AACS: variants seen among roughly 807,000 people sequenced by gnomAD.
The protein encoded by AACS is acetoacetyl-CoA synthetase, also known as acetoacetate-CoA ligase.
AACS carries 69 observed loss-of-function variants against 83.1 expected under a neutral mutation model. The observed-to-expected ratio is 0.83, with a 90% CI of 0.68 to 1.01. The LOEUF (loss-of-function observed/expected upper bound fraction) is 1.01, where lower values mean the gene tolerates loss of function less well. AACS is among the 50% of genes least tolerant of loss of function. AACS has a pLI of 0.00. For synonymous variants in AACS, 333 were observed against 343.4 expected (o/e 0.97, Z 0.33); for missense variants, 866 against 882.2 (o/e 0.98, Z 0.23).
At position 125,086,463 on chromosome 12, in the gene AACS, G is replaced by A. The variant is rs755828747; in HGVS notation, c.472+20G>A. The A allele has an allele frequency of 3.7e-6, 6 of 1,612,524 alleles. No homozygotes were observed. The highest frequency in any genetic ancestry group is 4.2e-6 in the Non-Finnish European group (5 of 1,178,570). ...TTGTTGGTAAGTATTTTGGGTGCTG[G>A]TGATGGTTTGAGGGAGGAGACCAAG... On this transcript the variant is annotated intron_variant, in intron 4 of 17. Coordinates refer to ENST00000316519, the MANE Select transcript of AACS (RefSeq NM_023928.5).
intron 4 of AACS, among the ~76,000 whole-genome samples, chr12:125,088,204 G>A (rs1956383348): frequency 1.3e-5 from 2 of 151,620 alleles, no homozygotes; most frequent in Non-Finnish European, 2.9e-5. Flanking sequence ...TATGGGTGTT[G>A]GGCTGATCAT....
chr12:125,118,633 C>T lies in AACS; in HGVS notation c.997-8C>T, dbSNP rs746149708. ...CCCGCTGAAGCCGCATCCCTCCTGT[C>T]TTTGCAGGTCGGCTGGATGATGTGG... On this transcript the variant is annotated splice_polypyrimidine_tract_variant and splice_region_variant and intron_variant, in intron 9 of 17. Transcript: ENST00000316519. 3.1e-6 allele frequency: 5 copies of T among 1,613,848 alleles called. No homozygotes were observed. The African/African-American group carries it at 6.7e-5, about 22-fold the overall frequency.
chr12:125,134,103 T>C lies in AACS; in HGVS notation c.1619+31T>C, dbSNP rs770695332. 8 of 1,608,252 alleles carry C rather than the reference T, an allele frequency of 5.0e-6. No homozygotes were observed. In the African/African-American group the frequency reaches 5.4e-5, roughly 11 times the overall value. On this transcript the variant is annotated intron_variant, in intron 15 of 17. Coordinates refer to ENST00000316519, the MANE Select transcript of AACS (RefSeq NM_023928.5). ...GGCTGCAGAGTCGGCTTCTCTTTCC[T>C]GGAGCCCCACCTTCCAGAGGCATGG... is the stretch of plus-strand genomic sequence containing the variant.
intron 5 of AACS, chr12:125,102,068 T>TTTTA (rs534667091): frequency 7.0e-5 from 10 of 142,864 alleles, no homozygotes; most frequent in African/African-American, 2.7e-4. Context: ...CTTGCCTTTT[T>TTTTA]AAAAAAAAAA....
chr12:125,114,805 C>A, intron 9 of AACS, among the ~76,000 whole-genome samples: 1 of 149,464 alleles, frequency 6.7e-6, no homozygotes, highest in Middle Eastern at 3.5e-3. Context: ...GGCGCCGGCC[C>A]GTGGCACATG....
chr12:125,108,526 A>T (rs1027099701), intron 8 of AACS, among the ~76,000 whole-genome samples: 2 of 152,210 alleles, frequency 1.3e-5, no homozygotes, highest in Non-Finnish European at 2.9e-5. Context: ...TTGGGGGTAC[A>T]CAGTTCAGCC....
intron 1 of AACS, among the ~76,000 whole-genome samples, chr12:125,073,478 T>G (rs943573588): frequency 6.6e-6 from 1 of 152,214 alleles, no homozygotes; most frequent in Non-Finnish European, 1.5e-5. Context: ...TTTCTACATG[T>G]GCTCATTTAA....
intron 3 of AACS, among the ~76,000 whole-genome samples, chr12:125,081,872 A>G (rs1289117038): frequency 6.6e-6 from 1 of 151,904 alleles, no homozygotes; most frequent in Admixed American, 6.6e-5. Flanking sequence ...TAGGAAAAAA[A>G]AAACGAGTTT....
rs569578086 is a variant in AACS at position 125,113,942 on chromosome 12, G to A, written c.916-535G>A. On this transcript the variant is annotated intron_variant, in intron 8 of 17. Coordinates refer to ENST00000316519, the MANE Select transcript of AACS (RefSeq NM_023928.5). The surrounding 1 kb of genome is among the most constrained non-coding windows in gnomAD (Gnocchi z 4.8). ...GCTTGGGTGTTTTAGCCAGAAGCAG[G>A]GTCTTGTGCTGTCCCCTCAGCTGAG... Among the ~76,000 whole-genome samples the A allele has an allele frequency of 6.6e-5, 10 of 152,162 alleles. No individual in the cohort carries two copies. The East Asian group carries it at 1.7e-3, about 27-fold the overall frequency.
At chr12:125,124,566 A>G (rs1417941956) in intron 10 of AACS, 139 bp from the exon 11 acceptor site, 3 of 907,608 alleles carry the variant, frequency 3.3e-6, no homozygotes, top group Admixed American at 2.5e-5. Context: ...TCGAGTAAAC[A>G]TGAAGTATGA....
chr12:125,118,672 C>T lies in AACS; in HGVS notation c.1028C>T (p.Ser343Phe). The part of the protein sequence containing the change: ...VGWMMWNWMV[S>F]LLATGAAMVL... ...TGGATGATGTGGAACTGGATGGTGT[C>T]CCTTCTGGCCACAGGAGCGGCCATG... Residue 343 changes from serine to phenylalanine, a missense_variant, in exon 10 of 18, where the codon TCC becomes TTC. Ser to Phe is a radical substitution (Grantham distance 155, BLOSUM62 -2). Coordinates refer to ENST00000316519, the MANE Select transcript of AACS (RefSeq NM_023928.5). The T allele has an allele frequency of 1.2e-6, 2 of 1,614,142 alleles. No individual in the cohort carries two copies. The highest frequency in any genetic ancestry group is 1.7e-6 in the Non-Finnish European group (2 of 1,180,014).
intron 3 of AACS, among the ~76,000 whole-genome samples, chr12:125,080,543 C>G (rs116711281): frequency 6.6e-6 from 1 of 151,732 alleles, no homozygotes; most frequent in African/African-American, 2.4e-5. Context: ...TTTTTAAACC[C>G]GGCCCTGTCT....
chr12:125,118,535 G>T, intron 9 of AACS, 106 bp from the exon 10 acceptor site: 21 of 1,490,202 alleles, frequency 1.4e-5, no homozygotes, highest in Non-Finnish European at 1.9e-5. Context: ...GCACCAACCT[G>T]TGGCTCCATC....
chr12:125,140,164 G>GC lies in AACS; in HGVS notation c.1882-1927dup, dbSNP rs928489200. On this transcript the variant is annotated intron_variant, in intron 17 of 17. Transcript: ENST00000316519. This position sits in a 1 kb window ranked among gnomAD's most constrained non-coding sequence, Gnocchi z 5.1. ...GGCAGCCATGGCTGTCCCAAGTCCA[G>GC]CGGGCCTTTGCTCGGGTCATGGCTG... 1 of 152,224 alleles carries GC rather than the reference G, an allele frequency of 6.6e-6. No homozygotes were observed. Among genetic ancestry groups the GC allele is most frequent in the Non-Finnish European group, 1.5e-5 (1 of 68,066 alleles). The allele number at this position is 152,224 out of a possible 1,614,324, so 9.4% of individuals were successfully genotyped here.
chr12:125,140,710 C>T lies in AACS; in HGVS notation c.1882-1382C>T, dbSNP rs1167504533. On this transcript the variant is annotated intron_variant, in intron 17 of 17. Transcript: ENST00000316519. This position sits in a 1 kb window ranked among gnomAD's most constrained non-coding sequence, Gnocchi z 5.1. Reference sequence around the variant, plus strand: ...CACACCAACACTGCCAAGGGCTCTTCTGGATTCAAGGTGAAACACATGTGC... The same window carrying T: ...CACACCAACACTGCCAAGGGCTCTTTTGGATTCAAGGTGAAACACATGTGC... 2 of 152,096 alleles carry T rather than the reference C, an allele frequency of 1.3e-5. No homozygotes were observed. Among genetic ancestry groups the T allele is most frequent in the Admixed American group, 1.3e-4 (2 of 15,274 alleles). The allele number at this position is 152,096 out of a possible 1,614,324, so 9.4% of individuals were successfully genotyped here. A position where few individuals can be genotyped will look rare whatever the true frequency, so the allele number is the denominator to read the frequency against.
At chr12:125,085,338 C>T (rs942320769) in intron 3 of AACS, among the ~76,000 whole-genome samples, 1 of 152,202 alleles carries the variant, frequency 6.6e-6, no homozygotes, top group African/African-American at 2.4e-5. Context: ...GTGCACATTG[C>T]ATCCATGTCT....
chr12:125,065,440 C>T lies in AACS; in HGVS notation c.-145C>T, dbSNP rs1237381720. On this transcript the variant is annotated 5_prime_UTR_variant, in exon 1 of 18. Transcript: ENST00000316519. ...GGAGGCGGCGGCGGCCGTTCAGTCC[C>T]TTGTTCCCCGCCGCCGCCGTCGCTG... The T allele has an allele frequency of 4.4e-6, 4 of 909,136 alleles. No homozygotes were observed. Among genetic ancestry groups the T allele is most frequent in the Non-Finnish European group, 6.0e-6 (4 of 662,298 alleles). The allele number at this position is 909,136 out of a possible 1,614,324, so 56.3% of individuals were successfully genotyped here.
At chr12:125,075,181 G>T (rs1955992243) in intron 2 of AACS, among the ~76,000 whole-genome samples, 1 of 149,442 alleles carries the variant, frequency 6.7e-6, no homozygotes, top group East Asian at 2.0e-4. Context: ...CACCATGTTG[G>T]CCAGGATGGT....
rs59883951 is a variant in AACS at position 125,128,260 on chromosome 12, C to T, written c.1409C>T (p.Ala470Val). 1.5e-5 allele frequency: 24 copies of T among 1,611,080 alleles called. No individual in the cohort carries two copies. In the African/African-American group the frequency reaches 1.7e-4, roughly 12 times the overall value. Residue 470 changes from alanine to valine, a missense_variant, in exon 13 of 18, where the codon GCG (alanine) becomes GTG (valine). Physicochemically the swap from Ala to Val is moderately conservative, Grantham distance 64. Coordinates refer to ENST00000316519, the MANE Select transcript of AACS (RefSeq NM_023928.5). The stretch of plus-strand genomic sequence containing the variant: ...CGGAACCTGGGCATGGCCGTGGAAG[C>T]GTGGAACGAGGAAGGTGATGGCTCC... ...QARNLGMAVE[A>V]WNEEGKAVWG...
Sources: gnomAD v4.1 joint callset for allele counts (sites outside exome capture counted in the v4.1 genomes callset) on GRCh38, gnomAD v4.1.1 for gene constraint, Gnocchi (gnomAD v3.1) non-coding constraint, MANE v1.5 for transcripts, NCBI Gene and HGNC (gene_info 2026-07-23, HGNC 2026-07-21) for gene names.